The following CALN1 variants were observed in gnomAD, a reference collection of about 807,000 sequenced individuals.
CALN1 encodes calcium-binding protein 8.
CALN1 carries 17 observed loss-of-function variants against 30.6 expected under a neutral mutation model. That is an observed-to-expected ratio of 0.56 (90% CI 0.38 to 0.83). The LOEUF (loss-of-function observed/expected upper bound fraction) is 0.83. CALN1 is among the 40% of genes least tolerant of loss of function. The probability of loss-of-function intolerance (pLI) is 0.00; values close to 1 mark genes in which losing one functional copy is unlikely to be tolerated. For missense variants in CALN1, 291 were observed against 354.9 expected (o/e 0.82, Z 1.45); for synonymous variants, 156 against 131.4 (o/e 1.19, Z -1.28).
At chr7:72,105,006 G>A (rs1235596133) in intron 4 of CALN1, among the ~76,000 whole-genome samples, 4 of 150,666 alleles carry the variant, frequency 2.7e-5, no homozygotes, top group Non-Finnish European at 4.4e-5. Flanking sequence ...ATGAAAATAA[G>A]ATAAAAATGT....
At chr7:72,311,004 T>C (rs1299106843) in intron 2 of CALN1, among the ~76,000 whole-genome samples, 2 of 151,966 alleles carry the variant, frequency 1.3e-5, no homozygotes, top group Admixed American at 6.6e-5. Flanking sequence ...ACGGGTGTAC[T>C]TATGCATGGA....
chr7:72,054,450 TATATATAC>T (rs1563015519), intron 4 of CALN1, among the ~76,000 whole-genome samples: 1 of 57,440 alleles, frequency 1.7e-5, no homozygotes, highest in African/African-American at 4.7e-5. Flanking sequence ...TATATATACA[TATATATAC>T]ATATATATAC....
intron 1 of CALN1, among the ~76,000 whole-genome samples, chr7:72,410,080 G>A (rs1415622325): frequency 6.6e-6 from 1 of 152,110 alleles, no homozygotes; most frequent in African/African-American, 2.4e-5. Context: ...CCATTGTGCG[G>A]GTCATGCCAT....
chr7:72,147,482 A>ATGTGGAGAAATAGGAACC (rs1786848747), intron 3 of CALN1, among the ~76,000 whole-genome samples: 1 of 134,110 alleles, frequency 7.5e-6, no homozygotes, highest in African/African-American at 2.8e-5. Context: ...GTTGGAGAGG[A>ATGTGGAGAAATAGGAACC]CTGTTACACT....
intron 4 of CALN1, among the ~76,000 whole-genome samples, chr7:72,096,572 C>T (rs74301540): frequency 0.033 from 5,021 of 152,064 alleles, 291 homozygotes; most frequent in East Asian, 0.27. Context: ...TTTGGGAGAC[C>T]GAGGAGGGCC....
intron 2 of CALN1, among the ~76,000 whole-genome samples, chr7:72,295,324 A>T (rs970299154): frequency 1.3e-5 from 2 of 151,832 alleles, no homozygotes; most frequent in South Asian, 2.1e-4. Flanking sequence ...AACAATACTT[A>T]TTTTTTTTAA....
At chr7:72,152,980 T>A (rs1787371893) in intron 3 of CALN1, among the ~76,000 whole-genome samples, 1 of 152,236 alleles carries the variant, frequency 6.6e-6, no homozygotes, top group African/African-American at 2.4e-5. Context: ...CTGAGCTATG[T>A]CCCTTTCATG....
At position 71,937,629 on chromosome 7, in the gene CALN1, C is replaced by T. The variant is rs184968966; in HGVS notation, c.501+86028G>A. On this transcript the variant is annotated intron_variant, in intron 5 of 6. Transcript: ENST00000395275. ...AAGCTGTTAGGGCTACAAGTGTGTACCATTACATCCAGCTAATTTTAAAAT... is the reference window on the plus strand; with the variant it reads ...AAGCTGTTAGGGCTACAAGTGTGTATCATTACATCCAGCTAATTTTAAAAT... Among the ~76,000 whole-genome samples the T allele has an allele frequency of 4.8e-3, 737 of 152,142 alleles. 8 individuals carry two copies. The highest frequency in any genetic ancestry group is 0.017 in the African/African-American group (704 of 41,500).
intron 6 of CALN1, among the ~76,000 whole-genome samples, chr7:71,809,390 C>G (rs1224193453): frequency 6.9e-6 from 1 of 145,080 alleles, no homozygotes; most frequent in African/African-American, 2.6e-5. Context: ...GCTACAAGAC[C>G]AGGCAACCAA....
intron 3 of CALN1, among the ~76,000 whole-genome samples, chr7:72,258,017 A>T (rs1020464933): frequency 3.9e-5 from 6 of 152,042 alleles, no homozygotes; most frequent in Non-Finnish European, 7.4e-5. Flanking sequence ...AGTATGGTGC[A>T]CTCTGCTTGG....
intron 4 of CALN1, among the ~76,000 whole-genome samples, chr7:72,098,842 G>A (rs1806433829): frequency 6.6e-6 from 1 of 150,846 alleles, no homozygotes; most frequent in East Asian, 2.0e-4. Context: ...TCCAGGCCAG[G>A]TGAGCAATCC....
At chr7:72,146,792 C>A (rs1202230610) in intron 3 of CALN1, among the ~76,000 whole-genome samples, 1 of 152,162 alleles carries the variant, frequency 6.6e-6, no homozygotes, top group Admixed American at 6.6e-5. Flanking sequence ...TGGAACAGAA[C>A]AGAGCCCTCA....
At chr7:71,935,243 G>A (rs954582224) in intron 5 of CALN1, among the ~76,000 whole-genome samples, 1 of 152,200 alleles carries the variant, frequency 6.6e-6, no homozygotes, top group African/African-American at 2.4e-5. Flanking sequence ...TAACATTGGT[G>A]TGAATCTGGC....
At chr7:71,940,454 G>C (rs1463003550) in intron 5 of CALN1, among the ~76,000 whole-genome samples, 2 of 152,176 alleles carry the variant, frequency 1.3e-5, no homozygotes, top group Non-Finnish European at 2.9e-5. Context: ...AGAGTAAAAT[G>C]CTGTGGAAAA....
In CALN1 at chr7:72,382,182, C is replaced by T. The variant is rs528961767; in HGVS notation, c.119+21069G>A. Among the ~76,000 whole-genome samples the T allele has an allele frequency of 1.2e-4, 19 of 152,290 alleles. No individual in the cohort carries two copies. In the South Asian group the frequency reaches 2.5e-3, roughly 20 times the overall value. ...GTCCTTCAGCTGATGGGAGCACTGTCCGTGGGCATTTCCAGCTGTGACCCA... is the reference window on the plus strand; with the variant it reads ...GTCCTTCAGCTGATGGGAGCACTGTTCGTGGGCATTTCCAGCTGTGACCCA... On this transcript the variant is annotated intron_variant, in intron 2 of 6. Transcript: ENST00000395275.
At chr7:72,354,135 C>T (rs1434147672) in intron 2 of CALN1, among the ~76,000 whole-genome samples, 4 of 152,198 alleles carry the variant, frequency 2.6e-5, no homozygotes, top group South Asian at 2.1e-4. Flanking sequence ...TGCAGTGAAA[C>T]GAAATTGTGC....
chr7:72,492,494 G>A, the CALN1 span, among the ~76,000 whole-genome samples: 1 of 152,104 alleles, frequency 6.6e-6, no homozygotes, highest in Middle Eastern at 3.4e-3. Context: ...ATGGAGCAAC[G>A]CAGATCTTGC....
chr7:72,418,715 T>G (rs910274615), intron 1 of CALN1, among the ~76,000 whole-genome samples: 1 of 152,066 alleles, frequency 6.6e-6, no homozygotes, highest in African/African-American at 2.4e-5. Context: ...CTCCCTGTAG[T>G]TCAAGCTCTT....
At position 72,406,610 on chromosome 7, in the gene CALN1, G is replaced by C. The variant is rs7801054; in HGVS notation, c.-73-3168C>G. Among the ~76,000 whole-genome samples, 1,089 of 111,100 alleles carry C rather than the reference G, an allele frequency of 9.8e-3. 7 individuals carry two copies. The highest frequency in any genetic ancestry group is 0.014 in the Non-Finnish European group (784 of 57,144). The allele number at this position is 111,100 out of a possible 152,430, so 72.9% of individuals were successfully genotyped here. On this transcript the variant is annotated intron_variant, in intron 1 of 6. Transcript: ENST00000395275. The stretch of plus-strand genomic sequence containing the variant: ...TTCCTAGACCCACATGAGGGTCCTT[G>C]TCAGCTTTTTTTTTTTTCTTTTTTA...
Sources: gnomAD v4.1 joint callset for allele counts (sites outside exome capture counted in the v4.1 genomes callset) on GRCh38, gnomAD v4.1.1 for gene constraint, MANE v1.5 for transcripts, NCBI Gene and HGNC (gene_info 2026-07-23, HGNC 2026-07-21) for gene names.